SGCZ: variants seen among roughly 807,000 people sequenced by gnomAD.
The protein encoded by SGCZ is sarcoglycan zeta.
SGCZ carries 40 observed loss-of-function variants against 41.3 expected under a neutral mutation model. The ratio of observed to expected loss-of-function variants is 0.97; its 90% CI spans 0.75 to 1.26. The LOEUF (loss-of-function observed/expected upper bound fraction) is 1.26. Ranked by LOEUF, SGCZ falls within the 50% of genes most tolerant of loss-of-function variation. The pLI is 0.00. For synonymous variants in SGCZ, 206 were observed against 137.5 expected, an observed-to-expected ratio of 1.50 and a Z score of -3.49; for missense variants, 552 against 369.8, an observed-to-expected ratio of 1.49 and a Z score of -4.04.
Position 14,885,767 on chromosome 8 carries a change from T to C in SGCZ, c.40-330841A>G, listed in dbSNP as rs1440526724. ...TATTTTGTTTGTTTTAATCAGTCTT[T>C]TAAAAATAATTGCAGAATCTTTGAG... On this transcript the variant is annotated intron_variant, in intron 1 of 7. Coordinates refer to ENST00000382080, the MANE Select transcript of SGCZ (RefSeq NM_139167.4). Among the ~76,000 whole-genome samples the C allele has an allele frequency of 3.3e-5, 5 of 151,966 alleles. No individual in the cohort carries two copies. In the East Asian group the frequency reaches 9.7e-4, roughly 30 times the overall value.
At chr8:14,452,284 G>C (rs1265065234) in intron 2 of SGCZ, among the ~76,000 whole-genome samples, 3 of 152,204 alleles carry the variant, frequency 2.0e-5, no homozygotes, top group South Asian at 2.1e-4. Flanking sequence ...AGTAAGATTA[G>C]TCACTGTCGG....
rs143056495 is a variant in SGCZ, at chr8:14,491,281, C to CCA, written c.234+63449_234+63450dup. 9.2e-3 allele frequency among the ~76,000 whole-genome samples: 1,364 copies of CCA among 149,062 alleles called. 21 individuals carry two copies. Among genetic ancestry groups the CCA allele is most frequent in the African/African-American group, 0.031 (1,284 of 40,780 alleles). On this transcript the variant is annotated intron_variant, in intron 2 of 7. Coordinates refer to ENST00000382080, the MANE Select transcript of SGCZ (RefSeq NM_139167.4). ...AACACACACACACTCACCCACCCACCCACACACACACACACTCCAGTGGAT... is the reference window on the plus strand; with the variant it reads ...AACACACACACACTCACCCACCCACCCACACACACACACACACTCCAGTGGAT...
chr8:14,726,711 A>G (rs573095181), intron 1 of SGCZ, among the ~76,000 whole-genome samples: 1 of 152,270 alleles, frequency 6.6e-6, no homozygotes, highest in South Asian at 2.1e-4. Context: ...TGACACAATT[A>G]GCAAACTTGA....
intron 7 of SGCZ, among the ~76,000 whole-genome samples, chr8:14,095,454 G>C (rs1563122593): frequency 6.6e-6 from 1 of 151,030 alleles, no homozygotes. Flanking sequence ...TGTTATTTCT[G>C]AGGCCGCTGT....
intron 1 of SGCZ, among the ~76,000 whole-genome samples, chr8:14,595,221 G>C (rs1805369658): frequency 6.6e-6 from 1 of 152,078 alleles, no homozygotes. Flanking sequence ...TTTATGTAAA[G>C]CCCTTCAGGC....
intron 1 of SGCZ, among the ~76,000 whole-genome samples, chr8:14,996,033 A>G (rs1418241953): frequency 4.0e-5 from 6 of 151,868 alleles, no homozygotes; most frequent in Non-Finnish European, 7.4e-5. Context: ...CCTCCCGAGT[A>G]GCTGAGACTA....
chr8:14,161,060 T>C (rs1417613138), intron 5 of SGCZ, among the ~76,000 whole-genome samples: 1 of 152,242 alleles, frequency 6.6e-6, no homozygotes, highest in East Asian at 1.9e-4. Flanking sequence ...TGTCATCACA[T>C]GTAACTTTGA....
At chr8:14,904,189 T>C (rs1166974538) in intron 1 of SGCZ, among the ~76,000 whole-genome samples, 1 of 152,088 alleles carries the variant, frequency 6.6e-6, no homozygotes, top group African/African-American at 2.4e-5. Context: ...CAACTTGAAT[T>C]GCTGCTCACA....
rs535835673 is a variant in SGCZ at position 14,660,850 on chromosome 8, G to T, written c.40-105924C>A. 2.0e-5 allele frequency among the ~76,000 whole-genome samples: 3 copies of T among 152,088 alleles called. No individual in the cohort carries two copies. The East Asian group carries it at 5.8e-4, about 30-fold the overall frequency. ...AAGAGAGAGTAGTTTTGTTTATATT[G>T]CTTTGTTCTAACTGGAAACTGAACT... is the stretch of plus-strand genomic sequence containing the variant. On this transcript the variant is annotated intron_variant, in intron 1 of 7. Transcript: ENST00000382080.
Position 14,418,539 on chromosome 8 carries a change from G to A in SGCZ, c.235-94335C>T, listed in dbSNP as rs139046002. 4.0e-5 allele frequency among the ~76,000 whole-genome samples: 6 copies of A among 151,886 alleles called. No individual in the cohort carries two copies. The East Asian group carries it at 1.2e-3, about 29-fold the overall frequency. ...TTTTATCACGTTTTACTTATAAAATGGTTTGTCTCATTGTTTTACCTAATA... is the reference window on the plus strand; with the variant it reads ...TTTTATCACGTTTTACTTATAAAATAGTTTGTCTCATTGTTTTACCTAATA... On this transcript the variant is annotated intron_variant, in intron 2 of 7. Coordinates refer to ENST00000382080, the MANE Select transcript of SGCZ (RefSeq NM_139167.4).
At chr8:14,717,775 C>T (rs183450758) in intron 1 of SGCZ, among the ~76,000 whole-genome samples, 42 of 152,138 alleles carry the variant, frequency 2.8e-4, no homozygotes, top group Admixed American at 7.2e-4. Flanking sequence ...TCTTCTACAA[C>T]TGTGTGTGAA....
At chr8:15,067,946 G>T (rs560244664) in intron 1 of SGCZ, among the ~76,000 whole-genome samples, 12 of 152,236 alleles carry the variant, frequency 7.9e-5, no homozygotes, top group African/African-American at 2.9e-4. Context: ...TGTAAAAGAT[G>T]ATTTAGAAAA....
chr8:14,995,051 T>C (rs536939024), intron 1 of SGCZ, among the ~76,000 whole-genome samples: 16 of 152,236 alleles, frequency 1.1e-4, no homozygotes, highest in Non-Finnish European at 2.2e-4. Context: ...AAATCTAACA[T>C]CACTAGGACA....
At chr8:14,738,993 G>T (rs566234966) in intron 1 of SGCZ, among the ~76,000 whole-genome samples, 9 of 152,168 alleles carry the variant, frequency 5.9e-5, no homozygotes, top group Admixed American at 3.3e-4. Context: ...GGACCTGAAA[G>T]AATATACATG....
At chr8:14,171,007 G>A (rs1804362781) in intron 4 of SGCZ, among the ~76,000 whole-genome samples, 1 of 152,072 alleles carries the variant, frequency 6.6e-6, no homozygotes, top group East Asian at 1.9e-4. Context: ...TTTGGCAGTT[G>A]TTAATGTCAA....
At chr8:14,588,683 GA>G (rs1176265766) in intron 1 of SGCZ, among the ~76,000 whole-genome samples, 2 of 152,062 alleles carry the variant, frequency 1.3e-5, no homozygotes, top group Admixed American at 1.3e-4. Context: ...GAACAGAATG[GA>G]AGAAATGTCA....
intron 3 of SGCZ, among the ~76,000 whole-genome samples, chr8:14,321,920 C>T (rs1249495441): frequency 1.3e-5 from 2 of 152,072 alleles, no homozygotes; most frequent in African/African-American, 4.8e-5. Flanking sequence ...TAACTTTCTA[C>T]CAAACTCACT....
At chr8:15,131,980 G>A (rs1018471849) in intron 1 of SGCZ, among the ~76,000 whole-genome samples, 1 of 152,118 alleles carries the variant, frequency 6.6e-6, no homozygotes, top group Non-Finnish European at 1.5e-5. Flanking sequence ...ATTTGTAACA[G>A]AGCTAAGCAA....
intron 1 of SGCZ, among the ~76,000 whole-genome samples, chr8:14,601,491 A>T (rs1783137290): frequency 6.6e-6 from 1 of 152,176 alleles, no homozygotes; most frequent in South Asian, 2.1e-4. Flanking sequence ...ATTCAAAAGA[A>T]TGACTGTAAA....
Sources: allele counts gnomAD v4.1 joint callset (sites outside exome capture counted in the v4.1 genomes callset), GRCh38; gene constraint gnomAD v4.1.1; transcripts MANE v1.5; gene names NCBI Gene and HGNC (gene_info 2026-07-23, HGNC 2026-07-21).